NLGN1: variants seen among roughly 807,000 people sequenced by gnomAD.
The protein encoded by NLGN1 is neuroligin-1.
A neutral mutation model predicts 65.5 loss-of-function variants in NLGN1; 12 were observed. That is an observed-to-expected ratio of 0.18 (90% CI 0.12 to 0.30). NLGN1 has a LOEUF of 0.30. Ranked by LOEUF, NLGN1 falls within the 10% of genes least tolerant of loss-of-function variation. NLGN1 has a pLI of 1.00. For synonymous variants in NLGN1, 350 were observed against 359.5 expected (o/e 0.97, Z 0.30); for missense variants, 750 against 1,007.1 (o/e 0.74, Z 3.46).
chr3:173,551,131 T>A (rs1740785794), intron 2 of NLGN1, among the ~76,000 whole-genome samples: 1 of 152,174 alleles, frequency 6.6e-6, no homozygotes, highest in Non-Finnish European at 1.5e-5. Context: ...AGTCACAGAT[T>A]AAGTTGGACT....
intron 3 of NLGN1, among the ~76,000 whole-genome samples, chr3:173,785,225 T>G (rs1781769723): frequency 6.6e-6 from 1 of 152,228 alleles, no homozygotes; most frequent in South Asian, 2.1e-4. Context: ...GCCATCACCC[T>G]TGGATCATGG....
intron 4 of NLGN1, among the ~76,000 whole-genome samples, chr3:173,871,953 C>T (rs1295140908): frequency 6.6e-6 from 1 of 152,138 alleles, no homozygotes; most frequent in Non-Finnish European, 1.5e-5. Flanking sequence ...TCAACCGTTC[C>T]TAAGAGTTAG....
chr3:173,797,942 A>C (rs1022429654), intron 3 of NLGN1, among the ~76,000 whole-genome samples: 1 of 152,102 alleles, frequency 6.6e-6, no homozygotes, highest in Non-Finnish European at 1.5e-5. Context: ...TATAGAAAGC[A>C]CTGGCTCAGT....
At chr3:173,794,283 G>T (rs1713482830) in intron 3 of NLGN1, among the ~76,000 whole-genome samples, 1 of 152,088 alleles carries the variant, frequency 6.6e-6, no homozygotes, top group Admixed American at 6.6e-5. Flanking sequence ...ATGTATATTT[G>T]CTTCATGTCT....
At chr3:173,971,132 A>G (rs955465960) in intron 4 of NLGN1, among the ~76,000 whole-genome samples, 1 of 152,138 alleles carries the variant, frequency 6.6e-6, no homozygotes, top group Non-Finnish European at 1.5e-5. Context: ...TTTGAAAATT[A>G]TGTGGAAAAA....
chr3:173,991,959 C>T (rs1721216209), intron 4 of NLGN1, among the ~76,000 whole-genome samples: 1 of 152,070 alleles, frequency 6.6e-6, no homozygotes, highest in Non-Finnish European at 1.5e-5. Context: ...TCCTGAGTAG[C>T]TTGGATTACA....
At chr3:173,754,686 G>T (rs143021686) in intron 3 of NLGN1, among the ~76,000 whole-genome samples, 1 of 152,110 alleles carries the variant, frequency 6.6e-6, no homozygotes, top group East Asian at 1.9e-4. Context: ...TCACAAATCC[G>T]ACTAATGCAG....
intron 4 of NLGN1, among the ~76,000 whole-genome samples, chr3:174,001,362 G>A (rs930408103): frequency 6.6e-6 from 1 of 151,846 alleles, no homozygotes; most frequent in African/African-American, 2.4e-5. Flanking sequence ...AGAAAATTGG[G>A]AATAGAAGTA....
Position 173,808,784 on chromosome 3 carries a change from C to T in NLGN1, c.646+952C>T, listed in dbSNP as rs367654896. On this transcript the variant is annotated intron_variant, in intron 4 of 6. Transcript: ENST00000457714. ...ATAATTTTGTTTATACACAAAGAAG[C>T]GCCTCACTCTTTCATTCTATTATCT... Among the ~76,000 whole-genome samples the T allele has an allele frequency of 6.7e-4, 102 of 152,170 alleles. No individual in the cohort carries two copies. In the South Asian group the frequency reaches 0.018, roughly 27 times the overall value.
At chr3:173,424,856 C>T (rs368174183) in intron 1 of NLGN1, among the ~76,000 whole-genome samples, 2 of 152,200 alleles carry the variant, frequency 1.3e-5, no homozygotes, top group Non-Finnish European at 2.9e-5. Context: ...GCCTGTTACC[C>T]AGTTCCAAAA....
At chr3:174,235,595 G>A (rs1741562153) in intron 4 of NLGN1, among the ~76,000 whole-genome samples, 1 of 151,924 alleles carries the variant, frequency 6.6e-6, no homozygotes, top group Non-Finnish European at 1.5e-5. Context: ...TAAAACAGAG[G>A]ATCTGTTTTA....
At chr3:173,974,621 T>C (rs1717017080) in intron 4 of NLGN1, among the ~76,000 whole-genome samples, 1 of 152,012 alleles carries the variant, frequency 6.6e-6, no homozygotes, top group Non-Finnish European at 1.5e-5. Context: ...ATTTGAACAA[T>C]TAAAAGGAAG....
chr3:174,278,786 A>G lies in NLGN1; in HGVS notation c.860-75A>G, dbSNP rs1751053769. 1.4e-5 allele frequency: 17 copies of G among 1,191,626 alleles called. No homozygotes were observed. In the South Asian group the frequency reaches 2.2e-4, roughly 15 times the overall value. 73.8% of individuals were successfully genotyped at this position (1,191,626 alleles called of 1,614,324 possible). A position where few individuals can be genotyped will look rare whatever the true frequency, so the allele number is the denominator to read the frequency against. ...TATCTGGGTTTTTATATACATGTCT[A>G]AAATATCAGATGTTATTGTTTTACC... is the stretch of plus-strand genomic sequence containing the variant. On this transcript the variant is annotated intron_variant, in intron 5 of 6. Transcript: ENST00000457714.
intron 3 of NLGN1, among the ~76,000 whole-genome samples, chr3:173,768,650 G>A (rs1196365391): frequency 6.6e-6 from 1 of 152,102 alleles, no homozygotes; most frequent in Non-Finnish European, 1.5e-5. Context: ...CTCCATTTAT[G>A]TTTTAATTAA....
At chr3:173,508,711 T>C (rs1308876273) in intron 2 of NLGN1, among the ~76,000 whole-genome samples, 1 of 152,154 alleles carries the variant, frequency 6.6e-6, no homozygotes, top group Non-Finnish European at 1.5e-5. Flanking sequence ...CCTTGAGTTT[T>C]TGTCCTGCTC....
At chr3:174,200,969 G>C (rs1249417986) in intron 4 of NLGN1, among the ~76,000 whole-genome samples, 2 of 152,144 alleles carry the variant, frequency 1.3e-5, no homozygotes, top group Non-Finnish European at 2.9e-5. Flanking sequence ...GGGCATGGTT[G>C]TTCACGCCCG....
chr3:174,034,684 A>T (rs1031852411), intron 4 of NLGN1, among the ~76,000 whole-genome samples: 1 of 152,150 alleles, frequency 6.6e-6, no homozygotes, highest in Middle Eastern at 3.2e-3. Context: ...AAAGAAATAT[A>T]GTTGATAAAC....
At chr3:173,834,447 G>A (rs1723196403) in intron 4 of NLGN1, among the ~76,000 whole-genome samples, 1 of 152,008 alleles carries the variant, frequency 6.6e-6, no homozygotes. Context: ...AGGAAGAACT[G>A]ATCTTTCACA....
chr3:173,451,388 C>A (rs1025345843), intron 2 of NLGN1, among the ~76,000 whole-genome samples: 4 of 152,100 alleles, frequency 2.6e-5, no homozygotes, highest in Non-Finnish European at 4.4e-5. Context: ...ATTGGTGAAC[C>A]GCAAATGCTG....
Sources: allele counts gnomAD v4.1 joint callset (sites outside exome capture counted in the v4.1 genomes callset), GRCh38; gene constraint gnomAD v4.1.1; transcripts MANE v1.5; gene names NCBI Gene and HGNC (gene_info 2026-07-23, HGNC 2026-07-21).